RAB10: variants seen among roughly 807,000 people sequenced by gnomAD.
RAB10 encodes ras-related protein Rab-10.
A neutral mutation model predicts 25.7 loss-of-function variants in RAB10; 5 were observed. The ratio of observed to expected loss-of-function variants is 0.19; its 90% confidence interval spans 0.10 to 0.41. The LOEUF (loss-of-function observed/expected upper bound fraction) is 0.41, where lower values mean the gene tolerates loss of function less well. Among genes scored for constraint, RAB10 ranks in the 10% least tolerant of loss-of-function variants. RAB10 has a pLI of 1.00. For synonymous variants in RAB10, 89 were observed against 86.4 expected (o/e 1.03, Z -0.16); for missense variants, 103 against 245.8 (o/e 0.42, Z 3.89).
intron 2 of RAB10, among the ~76,000 whole-genome samples, chr2:26,109,243 A>T (rs1255430842): frequency 6.6e-6 from 1 of 152,134 alleles, no homozygotes; most frequent in African/African-American, 2.4e-5. Context: ...ATACTAAAAC[A>T]TGTTTGTAAG....
rs530856580 is a variant in RAB10 at position 26,137,239 on chromosome 2, A to G, written c.*2218A>G. On this transcript the variant is annotated 3_prime_UTR_variant, in exon 6 of 6. Transcript: ENST00000264710. ...AATTTTTGTATAATCTGTTTGAAAC[A>G]TGAGTTTTATTTGCTTAATATTAGG... 7.2e-5 allele frequency: 11 copies of G among 152,816 alleles called. No individual in the cohort carries two copies. The South Asian group carries it at 2.3e-3, about 32-fold the overall frequency. 9.5% of individuals were successfully genotyped at this position (152,816 alleles called of 1,614,324 possible). A position where few individuals can be genotyped will look rare whatever the true frequency, so the allele number is the denominator to read the frequency against.
At chr2:26,104,625 CAT>C (rs1491309190) in intron 2 of RAB10, among the ~76,000 whole-genome samples, 9 of 151,902 alleles carry the variant, frequency 5.9e-5, no homozygotes, top group South Asian at 4.1e-4. Context: ...GCTTTGGTGA[CAT>C]GTGTAAGAAA....
At chr2:26,056,906 G>C (rs958564565) in intron 1 of RAB10, among the ~76,000 whole-genome samples, 1 of 152,174 alleles carries the variant, frequency 6.6e-6, no homozygotes. Context: ...ACAGGTGTGA[G>C]CCACTGAGCC....
intron 1 of RAB10, among the ~76,000 whole-genome samples, chr2:26,092,722 T>G (rs1667134229): frequency 6.6e-6 from 1 of 152,168 alleles, no homozygotes; most frequent in African/African-American, 2.4e-5. Flanking sequence ...GCAAGTTTCC[T>G]GAAATAGTAT....
chr2:26,048,250 A>G lies in RAB10; in HGVS notation c.127+13515A>G, dbSNP rs548029090. ...CAAAACTGCAATTGTTGGGTCACATAGTAATTGCATGTTTCGTTTTATAAG... is the reference window on the plus strand; with the variant it reads ...CAAAACTGCAATTGTTGGGTCACATGGTAATTGCATGTTTCGTTTTATAAG... On this transcript the variant is annotated intron_variant, in intron 1 of 5. Transcript: ENST00000264710. Among the ~76,000 whole-genome samples, 188 of 152,298 alleles carry G rather than the reference A, an allele frequency of 1.2e-3. 1 individual carries two copies. The highest frequency in any genetic ancestry group is 4.4e-3 in the African/African-American group (181 of 41,560).
intron 1 of RAB10, among the ~76,000 whole-genome samples, chr2:26,066,193 A>G (rs1373627582): frequency 6.6e-6 from 1 of 152,232 alleles, no homozygotes; most frequent in Non-Finnish European, 1.5e-5. Flanking sequence ...AACTTGCATC[A>G]GTTGTCTCTG....
At chr2:26,098,331 G>T (rs1667271609) in intron 1 of RAB10, among the ~76,000 whole-genome samples, 1 of 151,602 alleles carries the variant, frequency 6.6e-6, no homozygotes, top group Non-Finnish European at 1.5e-5. Context: ...TAGAAACAGG[G>T]TTTCACCATG....
At chr2:26,061,059 C>T (rs1021941055) in intron 1 of RAB10, among the ~76,000 whole-genome samples, 2 of 140,646 alleles carry the variant, frequency 1.4e-5, no homozygotes, top group Admixed American at 7.1e-5. Context: ...AGCTGATACT[C>T]AGTTGAAAAT....
intron 5 of RAB10, among the ~76,000 whole-genome samples, chr2:26,131,212 A>G (rs1360719762): frequency 2.6e-5 from 4 of 152,054 alleles, no homozygotes; most frequent in Non-Finnish European, 4.4e-5. Flanking sequence ...GCCACAGTGG[A>G]GAAGAAGAAT....
At chr2:26,098,305 AT>A (rs1412969538) in intron 1 of RAB10, among the ~76,000 whole-genome samples, 2 of 150,886 alleles carry the variant, frequency 1.3e-5, no homozygotes, top group Non-Finnish European at 3.0e-5. Context: ...TGTTTTTAGT[AT>A]TTTTGTATTT....
chr2:26,046,507 A>G (rs1310012707), intron 1 of RAB10, among the ~76,000 whole-genome samples: 1 of 152,182 alleles, frequency 6.6e-6, no homozygotes, highest in African/African-American at 2.4e-5. Flanking sequence ...CCAGAGCTGA[A>G]AAATAATATT....
rs540218804 is a variant in RAB10 at position 26,088,865 on chromosome 2, C to T, written c.128-9797C>T. Among the ~76,000 whole-genome samples, 72 of 151,900 alleles carry T rather than the reference C, an allele frequency of 4.7e-4. 2 individuals carry two copies. In the South Asian group the frequency reaches 0.013, roughly 28 times the overall value. The stretch of plus-strand genomic sequence containing the variant: ...GTCTCGAACTCCTGACCTCGTGATC[C>T]GCCCACCTGGGCCTCCCAAAGTGCT... On this transcript the variant is annotated intron_variant, in intron 1 of 5. Transcript: ENST00000264710.
At chr2:26,047,407 GTT>G (rs1443635338) in intron 1 of RAB10, among the ~76,000 whole-genome samples, 2 of 107,480 alleles carry the variant, frequency 1.9e-5, no homozygotes, top group African/African-American at 8.8e-5. Context: ...CATTTGTTTT[GTT>G]TGTTTGTTTG....
intron 1 of RAB10, among the ~76,000 whole-genome samples, chr2:26,036,574 A>T (rs963603323): frequency 6.6e-6 from 1 of 151,530 alleles, no homozygotes; most frequent in Non-Finnish European, 1.5e-5. Flanking sequence ...CAGGAGAATC[A>T]CTTGAACCTG....
At chr2:26,054,902 G>A (rs1386454922) in intron 1 of RAB10, among the ~76,000 whole-genome samples, 2 of 151,942 alleles carry the variant, frequency 1.3e-5, no homozygotes, top group African/African-American at 2.4e-5. Context: ...GGTTGCTTGA[G>A]CCCAGGAGGT....
chr2:26,034,439 C>T lies in RAB10; in HGVS notation c.-170C>T. Reference sequence around the variant, plus strand: ...CCCTCGGAGGCACTGGACGCCGCCACTGTCGGGGCTTCCTCAAAGCTGTTC... The same window carrying T: ...CCCTCGGAGGCACTGGACGCCGCCATTGTCGGGGCTTCCTCAAAGCTGTTC... On this transcript the variant is annotated 5_prime_UTR_variant, in exon 1 of 6. Coordinates refer to ENST00000264710, the MANE Select transcript of RAB10 (RefSeq NM_016131.5). The T allele has an allele frequency of 1.2e-6, 1 of 859,992 alleles. No homozygotes were observed. The highest frequency in any genetic ancestry group is 1.7e-6 in the Non-Finnish European group (1 of 574,336). 53.3% of individuals were successfully genotyped at this position (859,992 alleles called of 1,614,324 possible). A position where few individuals can be genotyped will look rare whatever the true frequency, so the allele number is the denominator to read the frequency against.
chr2:26,123,584 A>G (rs896732359), intron 3 of RAB10, among the ~76,000 whole-genome samples: 1 of 152,246 alleles, frequency 6.6e-6, no homozygotes, highest in Non-Finnish European at 1.5e-5. Flanking sequence ...GCTAATAGAC[A>G]TCAACCAGAG....
chr2:26,124,778 C>A (rs986132859), intron 3 of RAB10, among the ~76,000 whole-genome samples: 3 of 152,088 alleles, frequency 2.0e-5, no homozygotes, highest in African/African-American at 7.2e-5. Context: ...CCCCTTTCCC[C>A]ATCTCCTGGC....
intron 1 of RAB10, among the ~76,000 whole-genome samples, chr2:26,035,866 C>CA (rs1341760530): frequency 7.9e-5 from 12 of 152,162 alleles, no homozygotes; most frequent in African/African-American, 2.4e-5. Context: ...TCTTTTGTGA[C>CA]AAATACCTGC....
Sources: gnomAD v4.1 joint callset for allele counts (sites outside exome capture counted in the v4.1 genomes callset) on GRCh38, gnomAD v4.1.1 for gene constraint, MANE v1.5 for transcripts, NCBI Gene and HGNC (gene_info 2026-07-23, HGNC 2026-07-21) for gene names.